Variants in DSC3 observed in about 807,000 individuals in gnomAD.
DSC3 encodes the protein desmocollin 3, also known as desmocollin-3.
A neutral mutation model predicts 89.5 loss-of-function variants in DSC3; 97 were observed. The observed-to-expected ratio is 1.08, with a 90% CI of 0.92 to 1.28. DSC3 has a LOEUF of 1.28. Ranked by LOEUF, DSC3 falls within the 50% of genes most tolerant of loss-of-function variation. The probability of loss-of-function intolerance (pLI) is 0.00; values close to 1 mark genes in which losing one functional copy is unlikely to be tolerated. For synonymous variants in DSC3, 436 were observed against 384.1 expected (o/e 1.14, Z -1.58); for missense variants, 1,199 against 1,085.3 (o/e 1.10, Z -1.47).
intron 1 of DSC3, among the ~76,000 whole-genome samples, chr18:31,040,746 A>C (rs777322687): frequency 3.9e-5 from 6 of 152,238 alleles, no homozygotes; most frequent in Non-Finnish European, 7.3e-5. Context: ...GATATCCATT[A>C]AAGTCTCTAT....
chr18:31,029,113 T>C (rs1394379531), intron 4 of DSC3, among the ~76,000 whole-genome samples: 1 of 152,188 alleles, frequency 6.6e-6, no homozygotes, highest in African/African-American at 2.4e-5. Flanking sequence ...CCAACATCTC[T>C]ATACTAGAAT....
intron 13 of DSC3, among the ~76,000 whole-genome samples, chr18:31,002,493 G>C (rs1349531780): frequency 6.6e-6 from 1 of 152,118 alleles, no homozygotes; most frequent in African/African-American, 2.4e-5. Context: ...CTGAGATCAG[G>C]AGTTCGAGAC....
chr18:30,994,290 G>C lies in DSC3; in HGVS notation c.2576C>G (p.Ser859Cys). The C allele has an allele frequency of 6.2e-7, 1 of 1,614,096 alleles. No homozygotes were observed. Among genetic ancestry groups the C allele is most frequent in the Non-Finnish European group, 8.5e-7 (1 of 1,179,998 alleles). The part of the protein sequence containing the change: ...VLTYNYEGRG[S>C]PAGSVGCCSE... The stretch of plus-strand genomic sequence containing the variant: ...GCAGCAGCCCACAGAACCAGCTGGA[G>C]ATCCTCTTCCCTCATAGTTATAAGT... The change falls in exon 16 of 16, where the codon TCT becomes TGT. Residue 859 changes from serine to cysteine, a missense_variant. Coordinates refer to ENST00000360428, the MANE Select transcript of DSC3 (RefSeq NM_001941.5).
chr18:31,038,743 G>C (rs1986046447), intron 1 of DSC3, among the ~76,000 whole-genome samples: 1 of 151,916 alleles, frequency 6.6e-6, no homozygotes, highest in African/African-American at 2.4e-5. Flanking sequence ...ATAATAAAAT[G>C]AACATTAGGG....
intron 4 of DSC3, among the ~76,000 whole-genome samples, chr18:31,026,260 T>C (rs1287057856): frequency 7.1e-6 from 1 of 141,200 alleles, no homozygotes; most frequent in African/African-American, 2.5e-5. Flanking sequence ...AAAGCCACTG[T>C]GATTGGAGTA....
intron 9 of DSC3, among the ~76,000 whole-genome samples, chr18:31,013,832 A>T (rs1451370560): frequency 1.3e-5 from 2 of 152,176 alleles, no homozygotes; most frequent in African/African-American, 4.8e-5. Flanking sequence ...GAGGACAATC[A>T]GGCAATAAAG....
Position 30,994,494 on chromosome 18 carries a change from T to G in DSC3, c.2494-122A>C, listed in dbSNP as rs1279727587. ...TTTAACCAGTGTGTCCTCTAATGGA[T>G]TCCTACACACAGAAAATGCAAATGA... On this transcript the variant is annotated intron_variant, in intron 15 of 15. Coordinates refer to ENST00000360428, the MANE Select transcript of DSC3 (RefSeq NM_001941.5). The G allele has an allele frequency of 2.5e-6, 4 of 1,590,740 alleles. No individual in the cohort carries two copies. In the Admixed American group the frequency reaches 5.0e-5, roughly 20 times the overall value.
Position 31,034,833 on chromosome 18 carries a change from G to A in DSC3, c.70-2557C>T, listed in dbSNP as rs138654185. Among the ~76,000 whole-genome samples, 849 of 152,170 alleles carry A rather than the reference G, an allele frequency of 5.6e-3. 14 individuals are homozygous for A. Among genetic ancestry groups the A allele is most frequent in the African/African-American group, 0.019 (791 of 41,520 alleles). ...GGGAAGTGGTTGTAAATGGGTATGA[G>A]GCTTATTTTTAAGGTGATGAAAAAC... is the stretch of plus-strand genomic sequence containing the variant. On this transcript the variant is annotated intron_variant, in intron 1 of 15. Transcript: ENST00000360428.
intron 1 of DSC3, among the ~76,000 whole-genome samples, chr18:31,037,897 C>CA (rs567216995): frequency 1.9e-3 from 261 of 137,022 alleles, no homozygotes; most frequent in Non-Finnish European, 1.5e-3. Context: ...AACTCCATCT[C>CA]AAAAAAAAAA....
intron 14 of DSC3, among the ~76,000 whole-genome samples, chr18:31,000,176 C>T (rs150765468): frequency 1.8e-3 from 267 of 152,146 alleles, no homozygotes; most frequent in Middle Eastern, 6.8e-3. Context: ...ATCTTCACCC[C>T]GAGACATAGA....
chr18:31,039,452 C>T (rs1283396969), intron 1 of DSC3, among the ~76,000 whole-genome samples: 1 of 152,120 alleles, frequency 6.6e-6, no homozygotes, highest in Non-Finnish European at 1.5e-5. Flanking sequence ...GGATTAAACA[C>T]AATAATTACA....
At chr18:31,017,017 T>G (rs1985258185) in intron 9 of DSC3, among the ~76,000 whole-genome samples, 1 of 152,204 alleles carries the variant, frequency 6.6e-6, no homozygotes. Flanking sequence ...CTAGATTGAT[T>G]TGGACTAATA....
intron 1 of DSC3, among the ~76,000 whole-genome samples, chr18:31,033,049 CA>C (rs1218271006): frequency 2.0e-5 from 3 of 151,606 alleles, no homozygotes; most frequent in East Asian, 3.9e-4. Flanking sequence ...GAAAACTAAG[CA>C]AAAAAATTGA....
intron 9 of DSC3, among the ~76,000 whole-genome samples, chr18:31,013,979 C>T (rs996012150): frequency 1.3e-5 from 2 of 151,922 alleles, no homozygotes; most frequent in African/African-American, 4.8e-5. Context: ...TTGATATGGC[C>T]TAAATTTCCA....
chr18:31,018,727 G>A lies in DSC3; in HGVS notation c.1016C>T (p.Ser339Leu), dbSNP rs751731052. The change falls in exon 8 of 16, where the codon TCA (serine) becomes TTA (leucine). Residue 339 changes from serine to leucine, a missense_variant. Physicochemically the swap from Ser to Leu is moderately radical, Grantham distance 145 (BLOSUM62 -2). Transcript: ENST00000360428. ...ATCTGTTACTGTTATGATACAAGTT[G>A]ATGTGCCTATCAATCCAAAAAACTG... ...DGQFFGLIGTSTCIITVTDSN... is the reference protein window; with the variant it reads ...DGQFFGLIGTLTCIITVTDSN... 1.9e-6 allele frequency: 3 copies of A among 1,613,530 alleles called. No homozygotes were observed. The highest frequency in any genetic ancestry group is 2.2e-5 in the East Asian group (1 of 44,846).
Position 31,001,717 on chromosome 18 carries a change from AC to A in DSC3, c.2135del (p.Cys712LeufsTer16). The part of the protein sequence containing the change: ...LLFSVLLTLV[C>X]GVFGATKGKR... ...TCCCTTTAGTTGCACCAAAAACTCC[AC>A]ATACTAAAGTTAGCAATACAGCTGA... is the stretch of plus-strand genomic sequence containing the variant. On this transcript the variant is annotated frameshift_variant, in exon 14 of 16. Transcript: ENST00000360428. LOFTEE classifies it high-confidence loss of function. The A allele has an allele frequency of 6.2e-7, 1 of 1,608,022 alleles. No homozygotes were observed. Among genetic ancestry groups the A allele is most frequent in the Non-Finnish European group, 8.5e-7 (1 of 1,177,252 alleles).
chr18:31,033,762 G>T (rs1017386160), intron 1 of DSC3, among the ~76,000 whole-genome samples: 7 of 152,162 alleles, frequency 4.6e-5, no homozygotes, highest in African/African-American at 1.7e-4. Context: ...AAAAACTTCT[G>T]CTCTCCACAA....
intron 15 of DSC3, 98 bp from the exon 16 acceptor site, chr18:30,994,470 T>C (rs1302175523): frequency 6.3e-7 from 1 of 1,597,076 alleles, no homozygotes; most frequent in South Asian, 1.1e-5. Context: ...TGTTTAATTT[T>C]TAACCAGTGT....
chr18:31,008,180 T>A (rs1984925890), intron 10 of DSC3, 22 bp from the exon 11 acceptor site: 13 of 1,606,324 alleles, frequency 8.1e-6, no homozygotes, highest in Admixed American at 3.4e-5. Context: ...AAAAAAATAG[T>A]CTTTAGCATC....
Sources: allele counts gnomAD v4.1 joint callset (sites outside exome capture counted in the v4.1 genomes callset), GRCh38; gene constraint gnomAD v4.1.1; transcripts MANE v1.5; gene names NCBI Gene and HGNC (gene_info 2026-07-23, HGNC 2026-07-21).